The following TRIM59 variants were observed in gnomAD, a reference collection of about 807,000 sequenced individuals.
TRIM59 encodes the protein tripartite motif containing 59, also known as tripartite motif-containing protein 59.
Under a neutral mutation model 32.2 loss-of-function variants are expected in TRIM59, and 14 were observed. That is an observed-to-expected ratio of 0.43 (90% CI 0.29 to 0.68). The LOEUF (loss-of-function observed/expected upper bound fraction) is 0.68, where lower values mean the gene tolerates loss of function less well. Ranked by LOEUF, TRIM59 falls within the 30% of genes least tolerant of loss-of-function variation. The pLI is 0.15. For synonymous variants in TRIM59, 163 were observed against 155.1 expected (o/e 1.05, Z -0.38); for missense variants, 471 against 463.3 (o/e 1.02, Z -0.15).
At position 160,435,926 on chromosome 3, in the gene TRIM59, A is replaced by C. The variant is rs1034176801; in HGVS notation, c.*2046T>G. The C allele has an allele frequency of 7.8e-7, 1 of 1,283,978 alleles. No homozygotes were observed. Among genetic ancestry groups the C allele is most frequent in the Non-Finnish European group, 1.0e-6 (1 of 984,774 alleles). 79.5% of individuals were successfully genotyped at this position (1,283,978 alleles called of 1,614,324 possible). ...AGGGGGTTAAAAATATTCACATCAC[A>C]GAAATGAGATTAAGTAGTTTAACAC... On this transcript the variant is annotated 3_prime_UTR_variant, in exon 3 of 3. Coordinates refer to ENST00000309784, the MANE Select transcript of TRIM59 (RefSeq NM_173084.3).
Position 160,448,360 on chromosome 3 carries a change from G to A in TRIM59, c.-4+366C>T, listed in dbSNP as rs79876912. Among the ~76,000 whole-genome samples, 1,071 of 152,242 alleles carry A rather than the reference G, an allele frequency of 7.0e-3. 11 individuals carry two copies. The highest frequency in any genetic ancestry group is 0.024 in the African/African-American group (1,001 of 41,538). Reference sequence around the variant, plus strand: ...AAATAGCTACTTACTCATTTAAAAAGACCAATACATGAATGCATAGTGAAA... The same window carrying A: ...AAATAGCTACTTACTCATTTAAAAAAACCAATACATGAATGCATAGTGAAA... On this transcript the variant is annotated intron_variant, in intron 2 of 2. Transcript: ENST00000309784.
intron 2 of TRIM59, among the ~76,000 whole-genome samples, chr3:160,448,184 G>A (rs1345071095): frequency 5.3e-5 from 8 of 152,008 alleles, no homozygotes; most frequent in African/African-American, 1.7e-4. Flanking sequence ...CAATTTAACC[G>A]GAATTGACTT....
chr3:160,446,116 T>C (rs1036595965), intron 2 of TRIM59, among the ~76,000 whole-genome samples: 2 of 152,122 alleles, frequency 1.3e-5, no homozygotes, highest in Non-Finnish European at 2.9e-5. Flanking sequence ...AGTCTAAGAA[T>C]TGGTTCTTTA....
At position 160,435,635 on chromosome 3, in the gene TRIM59, A is replaced by G. The variant is rs1718896394; in HGVS notation, c.*2337T>C. The G allele has an allele frequency of 6.0e-6, 1 of 165,874 alleles. No homozygotes were observed. Among genetic ancestry groups the G allele is most frequent in the Non-Finnish European group, 1.3e-5 (1 of 75,884 alleles). 10.3% of individuals were successfully genotyped at this position (165,874 alleles called of 1,614,324 possible). On this transcript the variant is annotated 3_prime_UTR_variant, in exon 3 of 3. Coordinates refer to ENST00000309784, the MANE Select transcript of TRIM59 (RefSeq NM_173084.3). The stretch of plus-strand genomic sequence containing the variant: ...AATACAAAACAGCAGCATAAGAACC[A>G]GTTACTCATATACTCAACTATATTC...
chr3:160,438,815 T>C lies in TRIM59; in HGVS notation c.369A>G (p.Ile123Met), dbSNP rs1487761947. ...KKLVCGHCLT[I>M]GQHHGHPIDD... ...CTATAGGATGACCATGATGTTGACC[T>C]ATGGTAAGGCAATGACCACAAACTA... is the stretch of plus-strand genomic sequence containing the variant. Residue 123 changes from isoleucine (I) to methionine (M), a missense_variant, in exon 3 of 3, where the codon ATA (isoleucine) becomes ATG (methionine). Coordinates refer to ENST00000309784, the MANE Select transcript of TRIM59 (RefSeq NM_173084.3). The C allele has an allele frequency of 9.3e-6, 15 of 1,613,892 alleles. No individual in the cohort carries two copies. The highest frequency in any genetic ancestry group is 1.3e-5 in the Non-Finnish European group (15 of 1,179,936).
intron 2 of TRIM59, among the ~76,000 whole-genome samples, chr3:160,443,677 C>A (rs923654877): frequency 6.6e-6 from 1 of 151,812 alleles, no homozygotes; most frequent in Non-Finnish European, 1.5e-5. Flanking sequence ...CTCGCTCTGT[C>A]GCCCAGGCTG....
Position 160,438,913 on chromosome 3 carries a change from G to A in TRIM59, c.271C>T (p.His91Tyr), listed in dbSNP as rs1157937460. ...AIIEKYQQED[H>Y]PDIVTCPEHY... is the part of the protein sequence containing the mutation. ...TCAGGGCAGGTGACAATATCTGGAT[G>A]GTCTTCTTGCTGGTACTTTTCAATA... is the stretch of plus-strand genomic sequence containing the variant. Residue 91 changes from histidine (H) to tyrosine (Y), a missense_variant, in exon 3 of 3, where the codon CAT becomes TAT. Transcript: ENST00000309784. The A allele has an allele frequency of 1.2e-6, 2 of 1,613,906 alleles. No individual in the cohort carries two copies. Among genetic ancestry groups the A allele is most frequent in the East Asian group, 2.2e-5 (1 of 44,876 alleles).
chr3:160,449,563 A>C, intron 1 of TRIM59, 154 bp downstream of exon 1: 2 of 1,286,880 alleles, frequency 1.6e-6, no homozygotes, highest in African/African-American at 3.0e-5. Context: ...AGTATGGGAC[A>C]AGAGGGAATG....
intron 2 of TRIM59, among the ~76,000 whole-genome samples, chr3:160,441,766 A>G (rs552872080): frequency 1.1e-4 from 16 of 151,010 alleles, no homozygotes; most frequent in African/African-American, 3.2e-4. Flanking sequence ...AAAAAAAAAA[A>G]AAAAAAGAAA....
chr3:160,448,904 TGTTTTCA>T, intron 1 of TRIM59, 109 bp from the exon 2 acceptor site: 2 of 556,182 alleles, frequency 3.6e-6, no homozygotes, highest in Non-Finnish European at 5.5e-6. Context: ...TGCTTCATCG[TGTTTTCA>T]GAAAAGCCAC....
chr3:160,442,775 CTT>C (rs1375447395), intron 2 of TRIM59, among the ~76,000 whole-genome samples: 1 of 152,058 alleles, frequency 6.6e-6, no homozygotes, highest in Admixed American at 6.5e-5. Flanking sequence ...TGAAAAATAA[CTT>C]TGTAAGGTCA....
chr3:160,444,716 T>C (rs1719433723), intron 2 of TRIM59, among the ~76,000 whole-genome samples: 1 of 152,232 alleles, frequency 6.6e-6, no homozygotes, highest in Non-Finnish European at 1.5e-5. Context: ...CAAACTGCTA[T>C]GTAAGAAGTC....
rs902024814 is a variant in TRIM59, at chr3:160,439,332, A to C, written c.-3-146T>G. On this transcript the variant is annotated intron_variant, in intron 2 of 2. Transcript: ENST00000309784. ...ATTTTTAAAATGAAGTTTTCTGAGT[A>C]ATTCATTTCCTAGTATATATAGTGA... 1.8e-5 allele frequency: 11 copies of C among 622,728 alleles called. No individual in the cohort carries two copies. In the African/African-American group the frequency reaches 2.1e-4, roughly 12 times the overall value. The allele number at this position is 622,728 out of a possible 1,614,324, so 38.6% of individuals were successfully genotyped here. A position where few individuals can be genotyped will look rare whatever the true frequency, so the allele number is the denominator to read the frequency against.
chr3:160,449,593 T>C, intron 1 of TRIM59, 124 bp downstream of exon 1: 2 of 1,289,210 alleles, frequency 1.6e-6, no homozygotes, highest in East Asian at 1.1e-4. Context: ...CCCAAGCCAC[T>C]CCCTCCATCG....
At chr3:160,443,628 A>G (rs1339725392) in intron 2 of TRIM59, among the ~76,000 whole-genome samples, 1 of 152,068 alleles carries the variant, frequency 6.6e-6, no homozygotes, top group African/African-American at 2.4e-5. Flanking sequence ...AGAGGAAGAA[A>G]GATCCAAAAG....
Position 160,439,143 on chromosome 3 carries a change from T to C in TRIM59, c.41A>G (p.Tyr14Cys). The C allele has an allele frequency of 2.6e-6, 4 of 1,513,532 alleles. No individual in the cohort carries two copies. The highest frequency in any genetic ancestry group is 3.5e-6 in the Non-Finnish European group (4 of 1,133,048). The allele number at this position is 1,513,532 out of a possible 1,614,324, so 93.8% of individuals were successfully genotyped here. ...FEEELTCPIC[Y>C]SIFEDPRVLP... ...TACACGAGGATCTTCAAAAATACTATAACATATGGGACAAGTTAACTCTTC... is the reference window on the plus strand; with the variant it reads ...TACACGAGGATCTTCAAAAATACTACAACATATGGGACAAGTTAACTCTTC... Residue 14 changes from tyrosine (Y) to cysteine (C), a missense_variant, in exon 3 of 3, where the codon TAT becomes TGT. Physicochemically the swap from Tyr to Cys is radical, Grantham distance 194 (BLOSUM62 -2). Coordinates refer to ENST00000309784, the MANE Select transcript of TRIM59 (RefSeq NM_173084.3).
Position 160,438,634 on chromosome 3 carries a change from C to G in TRIM59, c.550G>C (p.Ala184Pro). The G allele has an allele frequency of 6.2e-7, 1 of 1,612,502 alleles. No homozygotes were observed. The highest frequency in any genetic ancestry group is 1.3e-5 in the African/African-American group (1 of 74,816). Residue 184 changes from alanine to proline, a missense_variant, in exon 3 of 3, where the codon GCT becomes CCT. Ala to Pro is a conservative substitution (Grantham distance 27). Transcript: ENST00000309784. ...AGCTCCTTAAAATACTGGAGAACAG[C>G]TTCCTTATCGCCTTGGATCATTTTC... Reference protein sequence around the residue: ...SEKMIQGDKEAVLQYFKELND... With the variant: ...SEKMIQGDKEPVLQYFKELND...
intron 2 of TRIM59, among the ~76,000 whole-genome samples, chr3:160,445,051 T>C (rs1266031914): frequency 6.6e-6 from 1 of 151,858 alleles, no homozygotes; most frequent in Non-Finnish European, 1.5e-5. Context: ...ACCATACACT[T>C]TACTTACCAA....
At chr3:160,449,658 G>C (rs1719721782) in intron 1 of TRIM59, 59 bp downstream of exon 1, 1 of 1,289,626 alleles carries the variant, frequency 7.8e-7, no homozygotes, top group African/African-American at 1.5e-5. Context: ...CTGTGCTACA[G>C]GAAAAGAAAA....
Sources: gnomAD v4.1 joint callset for allele counts (sites outside exome capture counted in the v4.1 genomes callset) on GRCh38, gnomAD v4.1.1 for gene constraint, MANE v1.5 for transcripts, NCBI Gene and HGNC (gene_info 2026-07-23, HGNC 2026-07-21) for gene names.